Variants in NAALADL2 observed in about 807,000 individuals in gnomAD.
NAALADL2 encodes the protein N-acetylated alpha-linked acidic dipeptidase like 2.
Under a neutral mutation model 87.2 loss-of-function variants are expected in NAALADL2, and 76 were observed. The observed-to-expected ratio is 0.87, with a 90% CI of 0.72 to 1.05. NAALADL2 has a LOEUF of 1.05. NAALADL2 is among the 50% of genes least tolerant of loss of function. The pLI, the probability that NAALADL2 is intolerant of heterozygous loss-of-function variation, is 0.00. For synonymous variants in NAALADL2, 354 were observed against 331.0 expected (o/e 1.07, Z -0.75); for missense variants, 1,089 against 945.8 (o/e 1.15, Z -1.99).
chr3:175,798,205 A>G (rs1270133001), intron 13 of NAALADL2, among the ~76,000 whole-genome samples: 1 of 152,036 alleles, frequency 6.6e-6, no homozygotes, highest in African/African-American at 2.4e-5. Context: ...TTTTTAAGGT[A>G]ATACAATTTA....
intron 1 of NAALADL2, among the ~76,000 whole-genome samples, chr3:174,508,113 G>GTTTTTTTTTTT (rs1560020933): frequency 2.3e-4 from 21 of 92,952 alleles, no homozygotes; most frequent in East Asian, 6.3e-4. Context: ...GATATCTAGT[G>GTTTTTTTTTTT]GTTTTTTTTT....
intron 5 of NAALADL2, among the ~76,000 whole-genome samples, chr3:175,396,088 G>A (rs546853388): frequency 1.3e-4 from 20 of 152,182 alleles, no homozygotes; most frequent in East Asian, 3.9e-4. Context: ...GAATCCTGCC[G>A]TTAAATCATA....
At chr3:174,915,212 T>G (rs961639745) in intron 1 of NAALADL2, among the ~76,000 whole-genome samples, 1 of 151,898 alleles carries the variant, frequency 6.6e-6, no homozygotes, top group African/African-American at 2.4e-5. Context: ...GGTGGGGAGG[T>G]GCATTTTGAG....
chr3:175,525,654 T>C (rs1476347253), intron 9 of NAALADL2, among the ~76,000 whole-genome samples: 2 of 152,160 alleles, frequency 1.3e-5, no homozygotes, highest in African/African-American at 4.8e-5. Flanking sequence ...CAAAAATTGA[T>C]GGACTTCTTT....
intron 2 of NAALADL2, among the ~76,000 whole-genome samples, chr3:175,133,051 G>T (rs995807544): frequency 6.6e-6 from 1 of 150,412 alleles, no homozygotes; most frequent in South Asian, 2.1e-4. Flanking sequence ...CAGACGGGGC[G>T]GCGGGGCAGA....
At position 174,635,853 on chromosome 3, in the gene NAALADL2, T is replaced by C. The variant is rs546043062; in HGVS notation, c.-115+85216T>C. On this transcript the variant is annotated intron_variant, in intron 2 of 3. Coordinates refer to the NAALADL2 transcript ENST00000434257. Reference sequence around the variant, plus strand: ...AAATGATACTATTTTTTGCAATCTCTTTAGGAAGTCTTTACCTATTGATGA... The same window carrying C: ...AAATGATACTATTTTTTGCAATCTCCTTAGGAAGTCTTTACCTATTGATGA... Among the ~76,000 whole-genome samples, 6 of 152,302 alleles carry C rather than the reference T, an allele frequency of 3.9e-5. No homozygotes were observed. In the South Asian group the frequency reaches 1.2e-3, roughly 32 times the overall value.
chr3:175,399,963 G>C (rs1770353760), intron 5 of NAALADL2, among the ~76,000 whole-genome samples: 2 of 152,072 alleles, frequency 1.3e-5, no homozygotes, highest in Admixed American at 1.3e-4. Context: ...ATGAATCTCT[G>C]AAGTGAAGAT....
chr3:175,646,152 C>T (rs1408706153), intron 11 of NAALADL2, among the ~76,000 whole-genome samples: 1 of 151,946 alleles, frequency 6.6e-6, no homozygotes, highest in Non-Finnish European at 1.5e-5. Context: ...TGCTTTAGTT[C>T]ATTTCAAATT....
chr3:174,528,958 C>T (rs1218457143), intron 1 of NAALADL2, among the ~76,000 whole-genome samples: 22 of 152,078 alleles, frequency 1.4e-4, no homozygotes, highest in Admixed American at 1.4e-3. Context: ...CCCCTGGCCC[C>T]TCACAAATCT....
At chr3:174,711,991 G>A (rs557049373) in intron 2 of NAALADL2, among the ~76,000 whole-genome samples, 1 of 152,110 alleles carries the variant, frequency 6.6e-6, no homozygotes, top group Admixed American at 6.5e-5. Context: ...TAGAGACGGG[G>A]TTTCACAGGC....
intron 1 of NAALADL2, chr3:174,536,832 G>T (rs1273408018): frequency 6.6e-6 from 1 of 151,916 alleles, no homozygotes; most frequent in Non-Finnish European, 1.5e-5. Context: ...GTCACCTGGG[G>T]GAATTGTTTC....
At chr3:175,742,320 C>A (rs1745332627) in intron 12 of NAALADL2, among the ~76,000 whole-genome samples, 1 of 152,080 alleles carries the variant, frequency 6.6e-6, no homozygotes, top group African/African-American at 2.4e-5. Context: ...TTTGAAGGTC[C>A]CGAGATTTAT....
intron 1 of NAALADL2, among the ~76,000 whole-genome samples, chr3:174,866,019 C>T (rs1727098734): frequency 6.6e-6 from 1 of 151,826 alleles, no homozygotes; most frequent in Non-Finnish European, 1.5e-5. Flanking sequence ...TGCTGAAAAA[C>T]TGTCAAGCAG....
chr3:174,834,128 T>C (rs922601887), intron 3 of NAALADL2, among the ~76,000 whole-genome samples: 1 of 149,160 alleles, frequency 6.7e-6, no homozygotes, highest in Non-Finnish European at 1.5e-5. Flanking sequence ...GCAGGATTTA[T>C]TCCCAAATGC....
At chr3:175,332,825 T>C (rs896393164) in intron 5 of NAALADL2, among the ~76,000 whole-genome samples, 5 of 152,194 alleles carry the variant, frequency 3.3e-5, no homozygotes, top group Admixed American at 3.3e-4. Flanking sequence ...AGTGAGGTGT[T>C]GAAGTCCCCA....
intron 11 of NAALADL2, among the ~76,000 whole-genome samples, chr3:175,639,340 A>ATTTTTTTTTT (rs1728979481): frequency 1.9e-5 from 1 of 52,586 alleles, no homozygotes; most frequent in African/African-American, 1.5e-4. Context: ...TTTTTTTTTG[A>ATTTTTTTTTT]GACGGAGTCT....
chr3:175,073,782 A>G (rs1716082042), intron 1 of NAALADL2, among the ~76,000 whole-genome samples: 1 of 152,078 alleles, frequency 6.6e-6, no homozygotes, highest in African/African-American at 2.4e-5. Flanking sequence ...GTGGTGCTGA[A>G]TACTCATTAT....
intron 5 of NAALADL2, among the ~76,000 whole-genome samples, chr3:175,346,107 T>A (rs1763127663): frequency 6.6e-6 from 1 of 152,146 alleles, no homozygotes; most frequent in African/African-American, 2.4e-5. Context: ...CATTTATATA[T>A]TTTTCTTATC....
intron 13 of NAALADL2, among the ~76,000 whole-genome samples, chr3:175,774,749 G>GTT (rs1749986860): frequency 6.6e-6 from 1 of 151,962 alleles, no homozygotes; most frequent in African/African-American, 2.4e-5. Flanking sequence ...AAGATGTTAA[G>GTT]TATAAAGTGT....
Sources: gnomAD v4.1 joint callset for allele counts (sites outside exome capture counted in the v4.1 genomes callset) on GRCh38, gnomAD v4.1.1 for gene constraint, MANE v1.5 for transcripts, NCBI Gene and HGNC (gene_info 2026-07-23, HGNC 2026-07-21) for gene names.